Variants in SLC9A9 observed in about 807,000 individuals in gnomAD.
The protein encoded by SLC9A9 is solute carrier family 9 member A9, also known as sodium/hydrogen exchanger 9.
Under a neutral mutation model 77.8 loss-of-function variants are expected in SLC9A9, and 62 were observed. That is an observed-to-expected ratio of 0.80 (90% CI 0.65 to 0.98). The LOEUF is 0.98. SLC9A9 is among the 50% of genes least tolerant of loss of function. SLC9A9 has a pLI of 0.00. For synonymous variants in SLC9A9, 320 were observed against 283.5 expected, an observed-to-expected ratio of 1.13 and a Z score of -1.29; for missense variants, 775 against 774.9, an observed-to-expected ratio of 1.00 and a Z score of 0.00.
At chr3:143,353,231 A>G (rs2032508887) in intron 14 of SLC9A9, among the ~76,000 whole-genome samples, 1 of 152,168 alleles carries the variant, frequency 6.6e-6, no homozygotes, top group African/African-American at 2.4e-5. Context: ...TTAGTTGGCT[A>G]TACCCCTCTC....
chr3:143,689,852 G>A (rs1205299311), intron 5 of SLC9A9, among the ~76,000 whole-genome samples: 1 of 151,882 alleles, frequency 6.6e-6, no homozygotes, highest in African/African-American at 2.4e-5. Context: ...AAAATAGAAG[G>A]GTAAACCGAA....
chr3:143,799,517 C>T (rs1022903956), intron 2 of SLC9A9, among the ~76,000 whole-genome samples: 2 of 152,200 alleles, frequency 1.3e-5, no homozygotes, highest in Non-Finnish European at 2.9e-5. Flanking sequence ...ACCCCAGCTG[C>T]CAGGGGTTCT....
chr3:143,279,364 C>T (rs1268700841), intron 14 of SLC9A9, among the ~76,000 whole-genome samples: 1 of 152,160 alleles, frequency 6.6e-6, no homozygotes, highest in East Asian at 1.9e-4. Context: ...CATGTTTCCA[C>T]ACAAGTGAGG....
chr3:143,342,368 A>G (rs2032126948), intron 14 of SLC9A9: 1 of 152,212 alleles, frequency 6.6e-6, no homozygotes, highest in African/African-American at 2.4e-5. Context: ...TATTTTTAGT[A>G]GAGACAGGGT....
intron 3 of SLC9A9, among the ~76,000 whole-genome samples, chr3:143,796,566 A>G (rs996483237): frequency 6.6e-6 from 1 of 152,236 alleles, no homozygotes; most frequent in Non-Finnish European, 1.5e-5. Context: ...TGTGTATTTT[A>G]CACTTAAAGA....
chr3:143,824,324 C>T (rs2009246076), intron 2 of SLC9A9, among the ~76,000 whole-genome samples: 1 of 151,886 alleles, frequency 6.6e-6, no homozygotes, highest in Non-Finnish European at 1.5e-5. Context: ...AAACAAAAAA[C>T]TGCCTTCCAG....
At chr3:143,490,400 C>T (rs1187042469) in intron 11 of SLC9A9, among the ~76,000 whole-genome samples, 2 of 119,886 alleles carry the variant, frequency 1.7e-5, no homozygotes, top group South Asian at 5.3e-4. Flanking sequence ...GGATGTCATG[C>T]TAAGTGAAAT....
chr3:143,753,402 C>G (rs752006748), intron 4 of SLC9A9, among the ~76,000 whole-genome samples: 4 of 152,132 alleles, frequency 2.6e-5, no homozygotes, highest in Non-Finnish European at 4.4e-5. Context: ...CCTATTTTTG[C>G]AAGGCATACA....
chr3:143,504,514 C>T (rs577664807), intron 9 of SLC9A9, among the ~76,000 whole-genome samples: 27 of 152,182 alleles, frequency 1.8e-4, no homozygotes, highest in Admixed American at 3.3e-4. Flanking sequence ...ATTAAGGCCA[C>T]GGTTCCCCAG....
intron 4 of SLC9A9, among the ~76,000 whole-genome samples, chr3:143,716,746 C>T (rs757617107): frequency 1.3e-4 from 20 of 152,152 alleles, no homozygotes; most frequent in African/African-American, 1.9e-4. Context: ...ATCAAGATGA[C>T]GACCACAGGG....
intron 14 of SLC9A9, among the ~76,000 whole-genome samples, chr3:143,350,045 A>G (rs1459998845): frequency 6.6e-6 from 1 of 152,174 alleles, no homozygotes; most frequent in Admixed American, 6.5e-5. Flanking sequence ...ACAGGGAACC[A>G]ACCACACATA....
At chr3:143,533,185 CA>C (rs2036541137) in intron 9 of SLC9A9, among the ~76,000 whole-genome samples, 1 of 152,216 alleles carries the variant, frequency 6.6e-6, no homozygotes, top group East Asian at 1.9e-4. Context: ...TAGCTGTGAA[CA>C]AACCAGACCA....
At chr3:143,636,118 A>G (rs1205983086) in intron 6 of SLC9A9, among the ~76,000 whole-genome samples, 7 of 152,170 alleles carry the variant, frequency 4.6e-5, no homozygotes, top group Non-Finnish European at 2.9e-5. Context: ...TGGCTTTTGA[A>G]TCTTGTCATC....
At chr3:143,634,617 C>T (rs1392714781) in intron 6 of SLC9A9, among the ~76,000 whole-genome samples, 1 of 152,086 alleles carries the variant, frequency 6.6e-6, no homozygotes, top group South Asian at 2.1e-4. Context: ...TTTTTGTTTG[C>T]TTGATACTTA....
At chr3:143,427,568 T>A (rs1000433962) in intron 12 of SLC9A9, among the ~76,000 whole-genome samples, 1 of 152,146 alleles carries the variant, frequency 6.6e-6, no homozygotes, top group Admixed American at 6.5e-5. Context: ...ATGCAATTTT[T>A]AAAAAAATCA....
intron 13 of SLC9A9, among the ~76,000 whole-genome samples, chr3:143,372,505 A>T (rs1254820773): frequency 6.6e-6 from 1 of 152,188 alleles, no homozygotes; most frequent in Non-Finnish European, 1.5e-5. Context: ...AAGACCTGAA[A>T]CCATAAAAAG....
intron 6 of SLC9A9, among the ~76,000 whole-genome samples, chr3:143,649,299 A>T (rs947837649): frequency 6.6e-6 from 1 of 152,246 alleles, no homozygotes; most frequent in African/African-American, 2.4e-5. Flanking sequence ...GGCAGTATGC[A>T]TACATGTTTG....
At chr3:143,817,809 G>GATAGCTGTTCAATGTTTA (rs11272542) in intron 2 of SLC9A9, among the ~76,000 whole-genome samples, 1 of 151,962 alleles carries the variant, frequency 6.6e-6, no homozygotes, top group Non-Finnish European at 1.5e-5. Flanking sequence ...TCTGTTATCT[G>GATAGCTGTTCAATGTTTA]ATAGCCTATT....
rs1383934034 is a variant in SLC9A9 at position 143,695,546 on chromosome 3, G to A, written c.534-2239C>T. On this transcript the variant is annotated intron_variant, in intron 4 of 15. Transcript: ENST00000316549. Reference sequence around the variant, plus strand: ...TTTTCATGGCTGCATAGTATTCCATGGTGTATATGTGCCACATTTTCTTTA... The same window carrying A: ...TTTTCATGGCTGCATAGTATTCCATAGTGTATATGTGCCACATTTTCTTTA... Among the ~76,000 whole-genome samples, 4 of 152,238 alleles carry A rather than the reference G, an allele frequency of 2.6e-5. No individual in the cohort carries two copies. In the East Asian group the frequency reaches 5.8e-4, roughly 22 times the overall value.
Sources: allele counts gnomAD v4.1 joint callset (sites outside exome capture counted in the v4.1 genomes callset), GRCh38; gene constraint gnomAD v4.1.1; transcripts MANE v1.5; gene names NCBI Gene and HGNC (gene_info 2026-07-23, HGNC 2026-07-21).